The following DPP10 variants were observed in gnomAD, a reference collection of about 807,000 sequenced individuals.
DPP10 encodes the protein inactive dipeptidyl peptidase 10.
In DPP10, 33 loss-of-function variants were observed where a neutral mutation model predicts 120.9. The observed-to-expected ratio is 0.27, with a 90% CI of 0.21 to 0.37. The LOEUF (loss-of-function observed/expected upper bound fraction) is 0.37, where lower values mean the gene tolerates loss of function less well. Ranked by LOEUF, DPP10 falls within the 10% of genes least tolerant of loss-of-function variation. The pLI is 1.00. For missense variants in DPP10, 816 were observed against 942.8 expected (o/e 0.87, Z 1.76); for synonymous variants, 337 against 326.1 (o/e 1.03, Z -0.36).
intron 1 of DPP10, among the ~76,000 whole-genome samples, chr2:114,529,232 T>A (rs141783580): frequency 5.3e-5 from 8 of 152,282 alleles, no homozygotes; most frequent in African/African-American, 1.9e-4. Flanking sequence ...ATATCTGTGT[T>A]AGTGACTCCT....
At chr2:115,244,804 T>G (rs1040739478) in intron 1 of DPP10, among the ~76,000 whole-genome samples, 10 of 149,708 alleles carry the variant, frequency 6.7e-5, no homozygotes, top group African/African-American at 2.3e-4. Context: ...TGTGTGTGTG[T>G]ATATACATGT....
At chr2:115,565,879 G>A (rs1015256688) in intron 5 of DPP10, among the ~76,000 whole-genome samples, 2 of 149,172 alleles carry the variant, frequency 1.3e-5, no homozygotes, top group Admixed American at 6.7e-5. Flanking sequence ...TCCGCCTCCC[G>A]GGTTCAAGTG....
At chr2:115,219,694 G>C (rs1206594787) in intron 1 of DPP10, among the ~76,000 whole-genome samples, 1 of 152,118 alleles carries the variant, frequency 6.6e-6, no homozygotes, top group Non-Finnish European at 1.5e-5. Context: ...ATAATTAGGA[G>C]AATAAAATAA....
intron 1 of DPP10, among the ~76,000 whole-genome samples, chr2:114,862,444 T>A (rs1689884734): frequency 6.6e-6 from 1 of 152,028 alleles, no homozygotes. Flanking sequence ...AAAAAAACCC[T>A]CCAATCTCAC....
intron 1 of DPP10, among the ~76,000 whole-genome samples, chr2:114,792,216 A>T (rs781685411): frequency 6.6e-6 from 1 of 152,208 alleles, no homozygotes; most frequent in Non-Finnish European, 1.5e-5. Flanking sequence ...CGGTGTGGGA[A>T]TATAACGCAT....
chr2:114,892,658 T>G (rs752551553), intron 1 of DPP10, among the ~76,000 whole-genome samples: 5 of 152,324 alleles, frequency 3.3e-5, no homozygotes, highest in Non-Finnish European at 7.3e-5. Context: ...GGAACTGTTC[T>G]TCTCCTACGG....
Position 114,675,398 on chromosome 2 carries a change from T to C in DPP10, c.60+232560T>C, listed in dbSNP as rs141258604. 1.4e-3 allele frequency among the ~76,000 whole-genome samples: 206 copies of C among 152,252 alleles called. 2 individuals carry two copies. The highest frequency in any genetic ancestry group is 4.8e-3 in the African/African-American group (200 of 41,566). ...GAGGATTGATTTGATAAATTGTCAG[T>C]CAATTAGCAAATATTTTGTATTTTG... On this transcript the variant is annotated intron_variant, in intron 1 of 25. Transcript: ENST00000410059.
chr2:114,987,261 A>G (rs1700461478), intron 1 of DPP10, among the ~76,000 whole-genome samples: 2 of 152,182 alleles, frequency 1.3e-5, no homozygotes, highest in Admixed American at 1.3e-4. Flanking sequence ...TGCATCTTCA[A>G]CTTTGTTCAG....
intron 5 of DPP10, among the ~76,000 whole-genome samples, chr2:115,662,257 C>G (rs1205959390): frequency 3.3e-5 from 5 of 152,106 alleles, no homozygotes; most frequent in African/African-American, 1.2e-4. Flanking sequence ...CTTTATCCAT[C>G]CATCCACTGC....
At chr2:115,450,031 C>G (rs1277818237) in intron 3 of DPP10, among the ~76,000 whole-genome samples, 1 of 151,920 alleles carries the variant, frequency 6.6e-6, no homozygotes, top group African/African-American at 2.4e-5. Context: ...TCTTGAATCC[C>G]AATCCTTTTG....
chr2:114,924,987 T>G (rs558466486), intron 1 of DPP10, among the ~76,000 whole-genome samples: 3 of 151,896 alleles, frequency 2.0e-5, no homozygotes, highest in African/African-American at 4.8e-5. Flanking sequence ...CGAGGGGGGC[T>G]AATCACGAGG....
At chr2:115,812,366 G>C (rs189095433) in intron 19 of DPP10, among the ~76,000 whole-genome samples, 1 of 152,172 alleles carries the variant, frequency 6.6e-6, no homozygotes, top group East Asian at 1.9e-4. Flanking sequence ...AACAAGCATT[G>C]GCTGTGTCCT....
chr2:115,616,317 G>A (rs1484798219), intron 5 of DPP10, among the ~76,000 whole-genome samples: 1 of 151,800 alleles, frequency 6.6e-6, no homozygotes, highest in Admixed American at 6.6e-5. Flanking sequence ...GTGTGATAGG[G>A]CCCAGTATAG....
intron 1 of DPP10, among the ~76,000 whole-genome samples, chr2:115,036,370 A>G (rs1287041643): frequency 6.6e-6 from 1 of 152,224 alleles, no homozygotes; most frequent in Admixed American, 6.5e-5. Context: ...CGTATCAATA[A>G]TTAAGCCCTA....
At chr2:114,751,481 C>T (rs193188493) in intron 1 of DPP10, among the ~76,000 whole-genome samples, 44 of 152,226 alleles carry the variant, frequency 2.9e-4, no homozygotes, top group African/African-American at 1.0e-3. Context: ...GGAGTCTTGC[C>T]CTGCTGTGAG....
At chr2:115,558,255 A>G (rs924190093) in intron 5 of DPP10, among the ~76,000 whole-genome samples, 23 of 152,096 alleles carry the variant, frequency 1.5e-4, no homozygotes, top group African/African-American at 5.6e-4. Flanking sequence ...CTTGAAGGAG[A>G]TCTAAGTAAT....
At chr2:114,497,346 TAC>T (rs376485860) in intron 1 of DPP10, among the ~76,000 whole-genome samples, 244 of 26,676 alleles carry the variant, frequency 9.1e-3, no homozygotes, top group East Asian at 0.04. Flanking sequence ...TACATATACA[TAC>T]ACATGTACAT....
chr2:114,623,066 A>G (rs143568101), intron 1 of DPP10, among the ~76,000 whole-genome samples: 5 of 152,168 alleles, frequency 3.3e-5, no homozygotes, highest in Non-Finnish European at 7.4e-5. Flanking sequence ...GGCTAAAGTG[A>G]AGTAGAGGTG....
At chr2:114,679,054 GC>G (rs1357049005) in intron 1 of DPP10, among the ~76,000 whole-genome samples, 2 of 152,000 alleles carry the variant, frequency 1.3e-5, no homozygotes, top group African/African-American at 4.8e-5. Flanking sequence ...AGGAGCAGTC[GC>G]CATTCCAATA....
Sources: gnomAD v4.1 joint callset for allele counts (sites outside exome capture counted in the v4.1 genomes callset) on GRCh38, gnomAD v4.1.1 for gene constraint, MANE v1.5 for transcripts, NCBI Gene and HGNC (gene_info 2026-07-23, HGNC 2026-07-21) for gene names.